The following GALNTL5 variants were observed in gnomAD, a reference collection of about 807,000 sequenced individuals.
GALNTL5 encodes inactive polypeptide N-acetylgalactosaminyltransferase-like protein 5.
A neutral mutation model predicts 51.0 loss-of-function variants in GALNTL5; 44 were observed. That is an observed-to-expected ratio of 0.86 (90% CI 0.68 to 1.11). The LOEUF (loss-of-function observed/expected upper bound fraction) is 1.11, where lower values mean the gene tolerates loss of function less well. Among genes scored for constraint, GALNTL5 ranks in the 50% least tolerant of loss-of-function variants. GALNTL5 has a pLI of 0.00. For synonymous variants in GALNTL5, 192 were observed against 182.8 expected, an observed-to-expected ratio of 1.05 and a Z score of -0.41; for missense variants, 528 against 531.8, an observed-to-expected ratio of 0.99 and a Z score of 0.07.
chr7:151,989,677 G>C (rs964045619), intron 5 of GALNTL5, among the ~76,000 whole-genome samples: 34 of 152,264 alleles, frequency 2.2e-4, no homozygotes, highest in African/African-American at 7.7e-4. Context: ...TCCTTGAAAA[G>C]TTTCACCAAT....
rs115165017 is a variant in GALNTL5 at position 151,994,184 on chromosome 7, C to A, written c.658+6903C>A. On this transcript the variant is annotated intron_variant, in intron 5 of 8. Coordinates refer to ENST00000392800, the MANE Select transcript of GALNTL5 (RefSeq NM_145292.4). ...GATGTAGGTGGCTGCCTGAGCCAGG[C>A]GTGCTCCTGAGTCACAAGTATGGGA... is the stretch of plus-strand genomic sequence containing the variant. Among the ~76,000 whole-genome samples, 1,421 of 152,320 alleles carry A rather than the reference C, an allele frequency of 9.3e-3. 17 individuals are homozygous for A. Among genetic ancestry groups the A allele is most frequent in the African/African-American group, 0.033 (1,369 of 41,558 alleles).
chr7:151,992,988 C>T (rs189420648), intron 5 of GALNTL5, among the ~76,000 whole-genome samples: 214 of 152,148 alleles, frequency 1.4e-3, no homozygotes, highest in Non-Finnish European at 2.3e-3. Flanking sequence ...CTAGAATCCC[C>T]GCACTTTGAG....
intron 1 of GALNTL5, among the ~76,000 whole-genome samples, chr7:151,963,335 T>C (rs908642369): frequency 6.6e-6 from 1 of 152,246 alleles, no homozygotes; most frequent in Non-Finnish European, 1.5e-5. Flanking sequence ...TCTCTTAGGC[T>C]TCCCTCTGCC....
chr7:151,992,051 G>T (rs1337406624), intron 5 of GALNTL5, among the ~76,000 whole-genome samples: 1 of 152,036 alleles, frequency 6.6e-6, no homozygotes, highest in African/African-American at 2.4e-5. Context: ...GGACCTTCTT[G>T]TTATATTTTT....
intron 8 of GALNTL5, among the ~76,000 whole-genome samples, chr7:152,018,475 A>G (rs2081847298): frequency 6.6e-6 from 1 of 152,052 alleles, no homozygotes; most frequent in Non-Finnish European, 1.5e-5. Flanking sequence ...TTTTTCTGTG[A>G]ACGCTGGTCA....
chr7:151,990,174 C>A (rs2081409329), intron 5 of GALNTL5, among the ~76,000 whole-genome samples: 1 of 151,864 alleles, frequency 6.6e-6, no homozygotes, highest in Non-Finnish European at 1.5e-5. Flanking sequence ...TCCTGAGTAG[C>A]TGGGATTACA....
At chr7:151,956,808 G>A (rs1169623474) in intron 1 of GALNTL5, among the ~76,000 whole-genome samples, 199 bp downstream of exon 1, 1 of 152,016 alleles carries the variant, frequency 6.6e-6, no homozygotes, top group Non-Finnish European at 1.5e-5. Flanking sequence ...CCCTAAACGT[G>A]GACTGGGCAT....
intron 4 of GALNTL5, 22 bp downstream of exon 4, chr7:151,983,174 C>A: frequency 6.3e-7 from 1 of 1,584,352 alleles, no homozygotes; most frequent in Non-Finnish European, 8.7e-7. Flanking sequence ...CACTCATTAT[C>A]TCATCTACTT....
intron 1 of GALNTL5, among the ~76,000 whole-genome samples, chr7:151,959,645 G>A (rs929430873): frequency 6.6e-6 from 1 of 152,120 alleles, no homozygotes; most frequent in African/African-American, 2.4e-5. Flanking sequence ...TATACACCCT[G>A]CGTGCCTGCT....
At chr7:151,964,776 G>C (rs1159770853) in intron 1 of GALNTL5, among the ~76,000 whole-genome samples, 1 of 152,158 alleles carries the variant, frequency 6.6e-6, no homozygotes, top group Non-Finnish European at 1.5e-5. Flanking sequence ...CTGTCTTCAG[G>C]GGGACGACCC....
intron 8 of GALNTL5, 65 bp from the exon 9 acceptor site, chr7:152,019,581 T>C (rs1283665430): frequency 2.1e-6 from 3 of 1,457,478 alleles, no homozygotes; most frequent in African/African-American, 1.4e-5. Context: ...ATGTTAGATA[T>C]AATCATTTGA....
intron 8 of GALNTL5, among the ~76,000 whole-genome samples, chr7:152,016,638 C>T (rs1031430183): frequency 6.6e-6 from 1 of 152,186 alleles, no homozygotes; most frequent in Non-Finnish European, 1.5e-5. Context: ...AACTAATAAA[C>T]AGCATTATTT....
intron 5 of GALNTL5, among the ~76,000 whole-genome samples, chr7:151,987,851 G>A (rs1205092937): frequency 6.6e-6 from 1 of 152,194 alleles, no homozygotes; most frequent in African/African-American, 2.4e-5. Flanking sequence ...TGGGCTAGGG[G>A]GAGCCCCATT....
At chr7:151,971,476 T>G (rs954452740) in intron 3 of GALNTL5, among the ~76,000 whole-genome samples, 2 of 152,230 alleles carry the variant, frequency 1.3e-5, no homozygotes, top group African/African-American at 4.8e-5. Flanking sequence ...ATAATTATTA[T>G]GTTAATGATT....
At chr7:151,979,618 G>T (rs1190200835) in intron 3 of GALNTL5, among the ~76,000 whole-genome samples, 10 of 151,138 alleles carry the variant, frequency 6.6e-5, no homozygotes, top group Non-Finnish European at 1.3e-4. Context: ...CGCCACCACG[G>T]CTAATTTTTT....
chr7:152,013,626 A>G (rs1056615284), intron 7 of GALNTL5, among the ~76,000 whole-genome samples: 2 of 152,218 alleles, frequency 1.3e-5, no homozygotes, highest in African/African-American at 4.8e-5. Flanking sequence ...TCAGGTGCAC[A>G]AGATTTATAT....
At chr7:152,000,572 C>T (rs2081562219) in intron 5 of GALNTL5, among the ~76,000 whole-genome samples, 1 of 152,182 alleles carries the variant, frequency 6.6e-6, no homozygotes, top group Admixed American at 6.5e-5. Flanking sequence ...CCACCACCTC[C>T]CCAACACTTG....
At chr7:152,003,057 G>T (rs2081602828) in intron 6 of GALNTL5, 94 bp downstream of exon 6, 3 of 1,098,902 alleles carry the variant, frequency 2.7e-6, no homozygotes, top group Non-Finnish European at 4.0e-6. Context: ...AAGTTCTTGG[G>T]CTTAATCAAA....
chr7:152,014,885 G>C, intron 8 of GALNTL5, 92 bp downstream of exon 8: 3 of 1,233,168 alleles, frequency 2.4e-6, no homozygotes, highest in Non-Finnish European at 3.4e-6. Context: ...CAGATCCAGC[G>C]TTTGTTCTGG....
Sources: gnomAD v4.1 joint callset for allele counts (sites outside exome capture counted in the v4.1 genomes callset) on GRCh38, gnomAD v4.1.1 for gene constraint, MANE v1.5 for transcripts, NCBI Gene and HGNC (gene_info 2026-07-23, HGNC 2026-07-21) for gene names.